Variants in YIPF7 observed in about 807,000 individuals in gnomAD.
The protein encoded by YIPF7 is protein YIPF7.
Under a neutral mutation model 27.2 loss-of-function variants are expected in YIPF7, and 35 were observed. That is an observed-to-expected ratio of 1.29 (90% confidence interval 0.98 to 1.70). The LOEUF (loss-of-function observed/expected upper bound fraction) is 1.70, where lower values mean the gene tolerates loss of function less well. YIPF7 is among the 40% of genes most tolerant of loss of function. YIPF7 has a pLI of 0.00. For missense variants in YIPF7, 358 were observed against 303.7 expected (o/e 1.18, Z -1.33); for synonymous variants, 137 against 110.4 (o/e 1.24, Z -1.51).
At chr4:44,640,627 G>T (rs966536759) in intron 2 of YIPF7, among the ~76,000 whole-genome samples, 1 of 152,194 alleles carries the variant, frequency 6.6e-6, no homozygotes, top group African/African-American at 2.4e-5. Flanking sequence ...GTCCAGACAG[G>T]TGTCATAGCC....
chr4:44,661,041 A>G (rs1032782652), intron 1 of YIPF7, among the ~76,000 whole-genome samples: 1 of 152,216 alleles, frequency 6.6e-6, no homozygotes, highest in African/African-American at 2.4e-5. Flanking sequence ...TAAAGCAGGA[A>G]CTGTTAAGAT....
intron 2 of YIPF7, among the ~76,000 whole-genome samples, chr4:44,658,408 C>A (rs909576265): frequency 1.3e-5 from 2 of 152,172 alleles, no homozygotes; most frequent in African/African-American, 4.8e-5. Context: ...CCACTGTTGA[C>A]AAGCCACCCT....
intron 2 of YIPF7, among the ~76,000 whole-genome samples, chr4:44,642,411 T>G (rs10018722): frequency 0.51 from 77,733 of 151,926 alleles, 21,258 homozygotes; most frequent in Non-Finnish European, 0.62. Context: ...TATCTAAATT[T>G]AAATTATAGC....
At chr4:44,622,891 G>A (rs971347307) in intron 5 of YIPF7, among the ~76,000 whole-genome samples, 1 of 152,118 alleles carries the variant, frequency 6.6e-6, no homozygotes, top group Non-Finnish European at 1.5e-5. Flanking sequence ...ATACAGCATT[G>A]AGAGCCTTCA....
rs1048785036 is a variant in YIPF7 at position 44,622,320 on chromosome 4, A to C, written c.*94T>G. 37 of 1,436,152 alleles carry C rather than the reference A, an allele frequency of 2.6e-5. No individual in the cohort carries two copies. Among genetic ancestry groups the C allele is most frequent in the Admixed American group, 4.7e-5 (2 of 42,350 alleles). 89.0% of individuals were successfully genotyped at this position (1,436,152 alleles called of 1,614,324 possible). On this transcript the variant is annotated 3_prime_UTR_variant, in exon 6 of 6. Coordinates refer to ENST00000415895, the MANE Select transcript of YIPF7 (RefSeq NM_182592.3). ...GCTTATTACTCTCTCAAAAGCAATA[A>C]AACAGAAATCATATCACCAAATTTG... is the stretch of plus-strand genomic sequence containing the variant.
intron 2 of YIPF7, among the ~76,000 whole-genome samples, chr4:44,647,306 G>A (rs1713561943): frequency 6.6e-6 from 1 of 152,086 alleles, no homozygotes; most frequent in Admixed American, 6.5e-5. Flanking sequence ...TAAAGCCGCG[G>A]TCCATGAGTC....
Position 44,622,482 on chromosome 4 carries a change from G to A in YIPF7, c.703C>T (p.Gln235Ter), listed in dbSNP as rs1712477522. The change falls in exon 6 of 6, where the codon CAG (glutamine) becomes TAG (stop). Residue 235 changes from glutamine to a stop codon, truncating the protein, a stop_gained. Coordinates refer to ENST00000415895, the MANE Select transcript of YIPF7 (RefSeq NM_182592.3). LOFTEE classifies it high-confidence loss of function. ...IFIAALHMEGQQLLVAYPCAI... is the reference protein window; with the variant it reads ...IFIAALHMEG Reference sequence around the variant, plus strand: ...CAAGGGTAGGCAACAAGAAGCTGCTGTCCTTCCATGTGCAAGGCTGCAATG... The same window carrying A: ...CAAGGGTAGGCAACAAGAAGCTGCTATCCTTCCATGTGCAAGGCTGCAATG... 1 of 1,613,926 alleles carries A rather than the reference G, an allele frequency of 6.2e-7. No homozygotes were observed.
At chr4:44,656,418 C>T (rs1359932586), upstream of YIPF7, among the ~76,000 whole-genome samples, 2 of 151,960 alleles carry the variant, frequency 1.3e-5, no homozygotes, top group South Asian at 2.1e-4. Context: ...TTTATCTCAT[C>T]CACTTAATTC....
At chr4:44,660,798 G>A (rs920555444) in intron 1 of YIPF7, among the ~76,000 whole-genome samples, 2 of 152,188 alleles carry the variant, frequency 1.3e-5, no homozygotes, top group African/African-American at 4.8e-5. Context: ...GGGACTATTA[G>A]TGGAAGCTCA....
At chr4:44,661,580 A>AAT (rs5857970) in intron 1 of YIPF7, among the ~76,000 whole-genome samples, 82,768 of 151,920 alleles carry the variant, frequency 0.54, 23,506 homozygotes, top group Non-Finnish European at 0.64. Context: ...CATTTGTTGC[A>AAT]ATATGCATTT....
chr4:44,653,257 T>C (rs1320843632), upstream of YIPF7, among the ~76,000 whole-genome samples: 1 of 152,062 alleles, frequency 6.6e-6, no homozygotes, highest in Non-Finnish European at 1.5e-5. Context: ...AAAAGGAGCC[T>C]GTAGGCCGTG....
intron 2 of YIPF7, among the ~76,000 whole-genome samples, chr4:44,648,383 T>C (rs1713600542): frequency 2.0e-5 from 3 of 152,156 alleles, no homozygotes; most frequent in Non-Finnish European, 4.4e-5. Context: ...TGGGGACATT[T>C]CAGATTCTGA....
At chr4:44,656,355 C>T (rs373101659), upstream of YIPF7, among the ~76,000 whole-genome samples, 1 of 151,980 alleles carries the variant, frequency 6.6e-6, no homozygotes, top group Non-Finnish European at 1.5e-5. Flanking sequence ...GTTCCTTCAT[C>T]AGTAAAAAGG....
intron 2 of YIPF7, among the ~76,000 whole-genome samples, chr4:44,648,218 G>T (rs1462032162): frequency 1.3e-5 from 2 of 151,928 alleles, no homozygotes; most frequent in Admixed American, 1.3e-4. Flanking sequence ...GAAATGTTTG[G>T]GACCAAAGTG....
Position 44,624,537 on chromosome 4 carries a change from T to C in YIPF7, c.608+64A>G, listed in dbSNP as rs1712555345. 9 of 1,443,024 alleles carry C rather than the reference T, an allele frequency of 6.2e-6. No homozygotes were observed. The Middle Eastern group carries it at 1.5e-3, about 243-fold the overall frequency. 89.4% of individuals were successfully genotyped at this position (1,443,024 alleles called of 1,614,324 possible). A position where few individuals can be genotyped will look rare whatever the true frequency, so the allele number is the denominator to read the frequency against. On this transcript the variant is annotated intron_variant, in intron 5 of 5. Coordinates refer to ENST00000415895, the MANE Select transcript of YIPF7 (RefSeq NM_182592.3). ...AATCAGGAAGGGCTCAACTTTTTCA[T>C]GGCTGTGGCAAACCTTGGCTATGAT...
chr4:44,661,389 C>T (rs1007179767), intron 1 of YIPF7, among the ~76,000 whole-genome samples: 2 of 152,058 alleles, frequency 1.3e-5, no homozygotes, highest in African/African-American at 2.4e-5. Context: ...GGGGGTCTAA[C>T]GTAGAAAAGG....
Position 44,649,988 on chromosome 4 carries a change from C to A in YIPF7, c.113G>T (p.Arg38Ile). ...AAGAAAAATATTAAGTACTTACTTTCTAGATCCATAAAGATTTCCATAGGC... is the reference window on the plus strand; with the variant it reads ...AAGAAAAATATTAAGTACTTACTTTATAGATCCATAAAGATTTCCATAGGC... ...SNAYGNLYGS[R>I]KQQAGEQPQP... is the part of the protein sequence containing the mutation. The change falls in exon 2 of 6, where the codon AGA becomes ATA. Residue 38 changes from arginine (R) to isoleucine (I), a missense_variant. By Grantham distance (97) the Arg-to-Ile change is moderately conservative (BLOSUM62 -3). Transcript: ENST00000415895. The A allele has an allele frequency of 6.7e-7, 1 of 1,483,238 alleles. No homozygotes were observed. Among genetic ancestry groups the A allele is most frequent in the Non-Finnish European group, 9.2e-7 (1 of 1,088,472 alleles). The allele number at this position is 1,483,238 out of a possible 1,614,324, so 91.9% of individuals were successfully genotyped here. A position where few individuals can be genotyped will look rare whatever the true frequency, so the allele number is the denominator to read the frequency against.
chr4:44,655,703 T>C (rs913270967), upstream of YIPF7, among the ~76,000 whole-genome samples: 2 of 152,062 alleles, frequency 1.3e-5, no homozygotes, highest in African/African-American at 4.8e-5. Flanking sequence ...TAGAACGCAT[T>C]GTTTTCCGTT....
At position 44,622,255 on chromosome 4, in the gene YIPF7, G is replaced by T; in HGVS notation, c.*159C>A. 1.2e-6 allele frequency: 1 copy of T among 846,390 alleles called. No homozygotes were observed. Among genetic ancestry groups the T allele is most frequent in the Non-Finnish European group, 1.8e-6 (1 of 554,198 alleles). The allele number at this position is 846,390 out of a possible 1,614,324, so 52.4% of individuals were successfully genotyped here. A position where few individuals can be genotyped will look rare whatever the true frequency, so the allele number is the denominator to read the frequency against. On this transcript the variant is annotated 3_prime_UTR_variant, in exon 6 of 6. Transcript: ENST00000415895. ...AGCAAAACATCATTCAAACCAACAG[G>T]CTATTAGAGCACCACCCTTAAGTGC... is the stretch of plus-strand genomic sequence containing the variant.
Sources: allele counts gnomAD v4.1 joint callset (sites outside exome capture counted in the v4.1 genomes callset), GRCh38; gene constraint gnomAD v4.1.1; transcripts MANE v1.5; gene names NCBI Gene and HGNC (gene_info 2026-07-23, HGNC 2026-07-21).